Variants in GPC3 observed in about 807,000 individuals in gnomAD.
GPC3 encodes the protein glypican-3.
Under a neutral mutation model 34.4 loss-of-function variants are expected in GPC3, and 3 were observed. That is an observed-to-expected ratio of 0.09 (90% CI 0.04 to 0.23). The LOEUF (loss-of-function observed/expected upper bound fraction) is 0.23, where lower values mean the gene tolerates loss of function less well. Among genes scored for constraint, GPC3 ranks in the 10% least tolerant of loss-of-function variants. The pLI is 1.00. For synonymous variants in GPC3, 177 were observed against 174.0 expected (o/e 1.02, Z -0.13); for missense variants, 351 against 445.6 (o/e 0.79, Z 1.91).
chrX:133,979,773 G>A (rs1345265983), intron 1 of GPC3, among the ~76,000 whole-genome samples: 2 of 111,937 alleles, frequency 1.8e-5, no homozygotes, highest in African/African-American at 6.5e-5. Flanking sequence ...TTTCCTAATG[G>A]AGTGCCAGGG....
At chrX:133,634,421 C>A (rs1055420097) in intron 6 of GPC3, among the ~76,000 whole-genome samples, 1 of 112,138 alleles carries the variant, frequency 8.9e-6, no homozygotes, top group African/African-American at 3.2e-5. Flanking sequence ...AATCAGAAAA[C>A]AATCCAAATG....
At chrX:133,647,297 T>C (rs1305712911) in intron 6 of GPC3, among the ~76,000 whole-genome samples, 1 of 112,250 alleles carries the variant, frequency 8.9e-6, no homozygotes, top group Non-Finnish European at 1.9e-5. Flanking sequence ...GAAGATACGG[T>C]GGTGAGTGGG....
intron 2 of GPC3, among the ~76,000 whole-genome samples, chrX:133,904,953 G>A (rs374580987): frequency 8.9e-6 from 1 of 112,123 alleles, no homozygotes; most frequent in South Asian, 3.8e-4. Context: ...TTTGCTTTCT[G>A]GCCATTTGTA....
intron 5 of GPC3, among the ~76,000 whole-genome samples, chrX:133,680,000 C>T (rs992522914): frequency 9.0e-5 from 10 of 111,579 alleles, no homozygotes; most frequent in African/African-American, 2.9e-4. Flanking sequence ...TACAGACAGA[C>T]ATGTAAAAGC....
chrX:133,860,208 G>A (rs2075929436), intron 2 of GPC3, among the ~76,000 whole-genome samples: 2 of 111,446 alleles, frequency 1.8e-5, no homozygotes, highest in South Asian at 3.8e-4. Context: ...TGAGGCTTTC[G>A]TTCATGTGTT....
At chrX:133,940,305 G>A (rs1250262415) in intron 2 of GPC3, among the ~76,000 whole-genome samples, 2 of 111,430 alleles carry the variant, frequency 1.8e-5, no homozygotes, top group African/African-American at 6.5e-5. Flanking sequence ...AACCATCTAT[G>A]ATCATTTCAA....
At chrX:133,874,462 C>T (rs2076006938) in intron 2 of GPC3, among the ~76,000 whole-genome samples, 1 of 111,959 alleles carries the variant, frequency 8.9e-6, no homozygotes, top group Admixed American at 9.5e-5. Flanking sequence ...AACCATCCTA[C>T]TTTTCCTTTT....
intron 2 of GPC3, among the ~76,000 whole-genome samples, chrX:133,913,413 A>G (rs2076210046): frequency 8.9e-6 from 1 of 112,876 alleles, no homozygotes; most frequent in African/African-American, 3.2e-5. Context: ...ATTTTAGCAG[A>G]GAGGCAGTGG....
At chrX:133,664,919 A>G (rs1297091539) in intron 5 of GPC3, among the ~76,000 whole-genome samples, 1 of 110,973 alleles carries the variant, frequency 9.0e-6, no homozygotes, top group African/African-American at 3.3e-5. Context: ...CCTGGGTGAC[A>G]GAGTGAGACC....
chrX:133,730,391 C>T (rs1317513751), intron 3 of GPC3, among the ~76,000 whole-genome samples: 2 of 111,675 alleles, frequency 1.8e-5, no homozygotes, highest in Non-Finnish European at 3.8e-5. Context: ...TTTGCTTAGA[C>T]TTATGCAACA....
At chrX:133,891,778 G>A (rs2124590742) in intron 2 of GPC3, among the ~76,000 whole-genome samples, 1 of 95,154 alleles carries the variant, frequency 1.1e-5, no homozygotes, top group East Asian at 3.2e-4. Flanking sequence ...CAGCCTGGGC[G>A]ACAGAGCTAA....
intron 3 of GPC3, among the ~76,000 whole-genome samples, chrX:133,735,998 G>A (rs2071508784): frequency 9.1e-6 from 1 of 109,485 alleles, no homozygotes; most frequent in African/African-American, 3.3e-5. Context: ...ATGTGATAAG[G>A]GTCTAGTATC....
intron 1 of GPC3, among the ~76,000 whole-genome samples, chrX:133,979,991 G>A (rs2076531829): frequency 1.8e-5 from 2 of 111,803 alleles, no homozygotes; most frequent in African/African-American, 6.5e-5. Flanking sequence ...AACCTGTGAG[G>A]TACTTCAACA....
At chrX:133,637,651 A>C (rs1476153592) in intron 6 of GPC3, among the ~76,000 whole-genome samples, 1 of 110,770 alleles carries the variant, frequency 9.0e-6, no homozygotes, top group African/African-American at 3.3e-5. Context: ...TGTTAAAATA[A>C]AATTTTTTTA....
chrX:133,743,616 ACT>A (rs2071584912), intron 3 of GPC3, among the ~76,000 whole-genome samples: 1 of 111,483 alleles, frequency 9.0e-6, no homozygotes, highest in Admixed American at 9.5e-5. Context: ...AGTGTATATG[ACT>A]CTGTTTTGTG....
chrX:133,773,046 A>AATTTTT (rs2071939276), intron 2 of GPC3, among the ~76,000 whole-genome samples: 1 of 110,543 alleles, frequency 9.0e-6, no homozygotes, highest in African/African-American at 3.3e-5. Flanking sequence ...GGGGGTAGAA[A>AATTTTT]ATTTTTATTT....
At chrX:133,704,861 A>C (rs1221856442) in intron 3 of GPC3, among the ~76,000 whole-genome samples, 1 of 111,024 alleles carries the variant, frequency 9.0e-6, no homozygotes, top group Non-Finnish European at 1.9e-5. Context: ...ATCATGCAAA[A>C]ATTTGATCTG....
At chrX:133,856,004 C>T (rs1035590109) in intron 2 of GPC3, among the ~76,000 whole-genome samples, 2 of 111,847 alleles carry the variant, frequency 1.8e-5, no homozygotes, top group Non-Finnish European at 3.8e-5. Flanking sequence ...CACACACAAG[C>T]AGCACATTTT....
At chrX:133,763,116 C>T (rs188481118) in intron 2 of GPC3, 103 of 689,390 alleles carry the variant, frequency 1.5e-4, no homozygotes, top group Non-Finnish European at 1.4e-5. Flanking sequence ...CTCCTGGAAT[C>T]TTCACTAACC....
Sources: gnomAD v4.1 joint callset for allele counts (sites outside exome capture counted in the v4.1 genomes callset) on GRCh38, gnomAD v4.1.1 for gene constraint, MANE v1.5 for transcripts, NCBI Gene and HGNC (gene_info 2026-07-23, HGNC 2026-07-21) for gene names.